The following EVPL variants were observed in gnomAD, a reference collection of about 807,000 sequenced individuals.
EVPL encodes the protein envoplakin.
In EVPL, 94 loss-of-function variants were observed where a neutral mutation model predicts 129.7. That is an observed-to-expected ratio of 0.72 (90% CI 0.61 to 0.86). The LOEUF (loss-of-function observed/expected upper bound fraction) is 0.86. Among genes scored for constraint, EVPL ranks in the 40% least tolerant of loss-of-function variants. The pLI, the probability that EVPL is intolerant of heterozygous loss-of-function variation, is 0.00. For missense variants in EVPL, 2,625 were observed against 2,721.1 expected (o/e 0.96, Z 0.79); for synonymous variants, 1,172 against 1,191.1 (o/e 0.98, Z 0.33).
chr17:76,023,514 C>T lies in EVPL; in HGVS notation c.339G>A (p.Glu113=), dbSNP rs2066477957. 6.2e-7 allele frequency: 1 copy of T among 1,613,038 alleles called. No homozygotes were observed. The highest frequency in any genetic ancestry group is 1.7e-5 in the Admixed American group (1 of 59,992). ...GCTCCACTCACTCCTTCTCAATCTCCTCAGCCTGCGGGTGCTTGAGCCGCC... is the reference window on the plus strand; with the variant it reads ...GCTCCACTCACTCCTTCTCAATCTCTTCAGCCTGCGGGTGCTTGAGCCGCC... ...KARRLKHPQA[E]EIEKDIKQLH... is the part of the protein sequence containing the mutation. The change falls in exon 3 of 22, where the codon GAG becomes GAA. Residue 113 remains glutamate (E), a synonymous_variant. Transcript: ENST00000301607.
At position 76,018,451 on chromosome 17, in the gene EVPL, G is replaced by A. The variant is rs752404897; in HGVS notation, c.1434C>T (p.Ala478=). 1.2e-6 allele frequency: 2 copies of A among 1,611,686 alleles called. No individual in the cohort carries two copies. The highest frequency in any genetic ancestry group is 1.1e-5 in the South Asian group (1 of 90,802). ...PAPDPDAVAR[A]SRLASELQAL... ...GTATCCCTACACAGACCTACCGGGA[G>A]GCCCTGGCCACAGCATCAGGGTCTG... The change falls in exon 12 of 22, where the codon GCC becomes GCT. Residue 478 remains alanine, a synonymous_variant. Coordinates refer to ENST00000301607, the MANE Select transcript of EVPL (RefSeq NM_001988.4).
chr17:76,014,341 G>C, intron 18 of EVPL, 85 bp downstream of exon 18: 1 of 1,488,984 alleles, frequency 6.7e-7, no homozygotes, highest in Non-Finnish European at 8.9e-7. Context: ...CGTGGCCTGG[G>C]CTTTGAAGCC....
At position 76,023,604 on chromosome 17, in the gene EVPL, C is replaced by T. The variant is rs150319164; in HGVS notation, c.249G>A (p.Thr83=). ...QSQALQHQQE[T]GRSLKEAEVL... is the part of the protein sequence containing the mutation. ...CCTCAGCCTCCTTCAGGCTGCGGCC[C>T]GTCTCCTGCTGGTGCTGCAGGGCCT... The change falls in exon 3 of 22, where the codon ACG becomes ACA. Residue 83 remains threonine, a synonymous_variant. Transcript: ENST00000301607. The T allele has an allele frequency of 4.2e-5, 68 of 1,609,716 alleles. No individual in the cohort carries two copies. In the Middle Eastern group the frequency reaches 1.3e-3, roughly 31 times the overall value.
chr17:76,008,553 T>TGCCGG lies in EVPL; in HGVS notation c.4647_4651dup (p.Gln1551ProfsTer118). The TGCCGG allele has an allele frequency of 6.2e-7, 1 of 1,608,950 alleles. No individual in the cohort carries two copies. The highest frequency in any genetic ancestry group is 1.1e-5 in the South Asian group (1 of 91,066). On this transcript the variant is annotated frameshift_variant, in exon 22 of 22. Coordinates refer to ENST00000301607, the MANE Select transcript of EVPL (RefSeq NM_001988.4). LOFTEE classifies it low-confidence loss of function (END_TRUNC). This position sits in a 1 kb window ranked among gnomAD's most constrained non-coding sequence, Gnocchi z 7.4. ...GCGCCGTGCCTCCTCCTCCCGGGCC[T>TGCCGG]GCCGGGCCGTGCGCTCCCTGTTGAG...
chr17:76,026,991 G>T, intron 1 of EVPL, 110 bp downstream of exon 1: 1 of 626,932 alleles, frequency 1.6e-6, no homozygotes, highest in South Asian at 2.3e-5. Flanking sequence ...TGCCAGCACG[G>T]GGCTGGTCCT....
chr17:76,009,950 A>G lies in EVPL; in HGVS notation c.3255T>C (p.Asn1085=), dbSNP rs553307902. 43 of 1,613,714 alleles carry G rather than the reference A, an allele frequency of 2.7e-5. 1 individual carries two copies. The South Asian group carries it at 4.0e-4, about 15-fold the overall frequency. Residue 1085 remains asparagine (N), a synonymous_variant, in exon 22 of 22, where the codon AAT becomes AAC. Transcript: ENST00000301607. The surrounding 1 kb of genome is among the most constrained non-coding windows in gnomAD (Gnocchi z 5.9). ...CCTGGGCTGCCTTGACCATTTCCAG[A>G]TTCTTCTCCACCTTGACTACCTCTT... ...VVKEVVKVEK[N]LEMVKAAQAL...
In EVPL at chr17:76,021,747, T is replaced by A. The variant is rs775949521; in HGVS notation, c.842A>T (p.Gln281Leu). The A allele has an allele frequency of 6.2e-7, 1 of 1,609,952 alleles. No homozygotes were observed. ...GTCGTCCTCCAGCTGGTTCACGCTC[T>A]GCTCCTGGCTCAGCAGCTCGTGCTG... ...FKQHELLSQE[Q>L]SVNQLEDDGE... The change falls in exon 8 of 22, where the codon CAG becomes CTG. Residue 281 changes from glutamine (Q) to leucine (L), a missense_variant. By Grantham distance (113) the Gln-to-Leu change is moderately radical. Around this residue, in one of 4 missense-constraint regions of EVPL, gnomAD observed 1,024 missense variants for 997.5 expected, o/e 1.03. Transcript: ENST00000301607.
chr17:76,023,339 C>T lies in EVPL; in HGVS notation c.433G>A (p.Asp145Asn), dbSNP rs57576632. The T allele has an allele frequency of 4.6e-4, 739 of 1,613,908 alleles. 3 individuals carry two copies. In the African/African-American group the frequency reaches 8.9e-3, roughly 19 times the overall value. ...GCCCAGTCGACCCTGGGTCCCACGTCGGGGGGCAGCACCATCTTCTCGTAC... is the reference window on the plus strand; with the variant it reads ...GCCCAGTCGACCCTGGGTCCCACGTTGGGGGGCAGCACCATCTTCTCGTAC... ...ALYEKMVLPP[D>N]VGPRVDWARV... Residue 145 changes from aspartate to asparagine, a missense_variant, in exon 4 of 22, where the codon GAC (aspartate) becomes AAC (asparagine). Asp to Asn is a conservative substitution (Grantham distance 23). Around this residue, in one of 4 missense-constraint regions of EVPL, gnomAD observed 1,024 missense variants for 997.5 expected, o/e 1.03. Coordinates refer to ENST00000301607, the MANE Select transcript of EVPL (RefSeq NM_001988.4).
Position 76,008,688 on chromosome 17 carries a change from A to G in EVPL, c.4517T>C (p.Ile1506Thr), listed in dbSNP as rs528132734. 6 of 1,613,250 alleles carry G rather than the reference A, an allele frequency of 3.7e-6. No homozygotes were observed. The highest frequency in any genetic ancestry group is 2.7e-5 in the African/African-American group (2 of 75,046). ...NRECKNLQVQIDVLQKAKSQE... is the reference protein window; with the variant it reads ...NRECKNLQVQTDVLQKAKSQE... ...CGATTTGGCTTTCTGGAGGACGTCA[A>G]TCTGGACCTGCAGGTTCTTGCACTC... Residue 1506 changes from isoleucine to threonine, a missense_variant, in exon 22 of 22, where the codon ATT (isoleucine) becomes ACT (threonine). Ile to Thr is a moderately conservative substitution (Grantham distance 89). Coordinates refer to ENST00000301607, the MANE Select transcript of EVPL (RefSeq NM_001988.4). The surrounding 1 kb of genome is among the most constrained non-coding windows in gnomAD (Gnocchi z 7.4).
intron 12 of EVPL, 80 bp from the exon 13 acceptor site, chr17:76,018,338 G>T: frequency 6.6e-7 from 1 of 1,518,282 alleles, no homozygotes; most frequent in Non-Finnish European, 8.9e-7. Context: ...GCAGCTTCAG[G>T]TGAAGGCCAG....
At chr17:76,012,158 G>A in intron 18 of EVPL, 69 bp from the exon 19 acceptor site, 2 of 1,199,874 alleles carry the variant, frequency 1.7e-6, no homozygotes, top group African/African-American at 1.5e-5. Context: ...TCTAGCCAGT[G>A]CCTCCAGGGC....
At position 76,013,610 on chromosome 17, in the gene EVPL, C is replaced by T. The variant is rs2144412945; in HGVS notation, c.2373+816G>A. On this transcript the variant is annotated intron_variant, in intron 18 of 21. Transcript: ENST00000301607. The surrounding 1 kb of genome is among the most constrained non-coding windows in gnomAD (Gnocchi z 4.3). ...CGTCCATCTCACTCACTGTCCCCTT[C>T]AAGCAGTCACCAAGTCCACCTAATT... 6.6e-6 allele frequency among the ~76,000 whole-genome samples: 1 copy of T among 152,330 alleles called. No individual in the cohort carries two copies. Among genetic ancestry groups the T allele is most frequent in the East Asian group, 1.9e-4 (1 of 5,182 alleles).
At chr17:76,018,337 G>A (rs2144424145) in intron 12 of EVPL, 79 bp from the exon 13 acceptor site, 1 of 1,518,496 alleles carries the variant, frequency 6.6e-7, no homozygotes, top group Non-Finnish European at 8.9e-7. Context: ...CGCAGCTTCA[G>A]GTGAAGGCCA....
rs760348152 is a variant in EVPL at position 76,021,692 on chromosome 17, G to C, written c.897C>G (p.Pro299=). 2.0e-6 allele frequency: 3 copies of C among 1,472,866 alleles called. No individual in the cohort carries two copies. The highest frequency in any genetic ancestry group is 2.1e-4 in the Middle Eastern group (1 of 4,866). The allele number at this position is 1,472,866 out of a possible 1,614,324, so 91.2% of individuals were successfully genotyped here. ...DGERMVELRH[P]AVGPIQAHQE... is the part of the protein sequence containing the mutation. ...AGCGCACCTGGATGGGCCCCACCGC[G>C]GGGTGCCGCAGCTCCACCATGCGCT... is the stretch of plus-strand genomic sequence containing the variant. The change falls in exon 8 of 22, where the codon CCC becomes CCG. Residue 299 remains proline, a synonymous_variant. Transcript: ENST00000301607.
rs1007844997 is a variant in EVPL at position 76,022,121 on chromosome 17, C to A, written c.645+68G>T. 2.5e-6 allele frequency: 4 copies of A among 1,596,456 alleles called. No homozygotes were observed. The African/African-American group carries it at 4.0e-5, about 16-fold the overall frequency. On this transcript the variant is annotated intron_variant, in intron 6 of 21. Transcript: ENST00000301607. This position sits in a 1 kb window ranked among gnomAD's most constrained non-coding sequence, Gnocchi z 5.6. Reference sequence around the variant, plus strand: ...GGGCCGCGCTCAGGAACACTGGCCCCGGGCAGGGTCCGGGCGGCCACCCAG... The same window carrying A: ...GGGCCGCGCTCAGGAACACTGGCCCAGGGCAGGGTCCGGGCGGCCACCCAG...
intron 17 of EVPL, 136 bp downstream of exon 17, chr17:76,014,780 T>C (rs2066404692): frequency 2.6e-6 from 3 of 1,134,062 alleles, no homozygotes; most frequent in Non-Finnish European, 3.7e-6. Flanking sequence ...GTAAGTGCTG[T>C]TGTTATCCCA....
chr17:76,025,201 T>G (rs939457092), intron 1 of EVPL, among the ~76,000 whole-genome samples: 1 of 152,270 alleles, frequency 6.6e-6, no homozygotes, highest in Non-Finnish European at 1.5e-5. Flanking sequence ...AGGGCTATTG[T>G]GAGCATTAAT....
intron 18 of EVPL, among the ~76,000 whole-genome samples, chr17:76,012,742 CTTTTTTTT>C (rs56349197): frequency 1.7e-5 from 2 of 117,536 alleles, no homozygotes; most frequent in Admixed American, 8.6e-5. Context: ...TCTTTCTTTT[CTTTTTTTT>C]TTTTTTTTTT....
chr17:76,017,011 G>A (rs761682645), intron 14 of EVPL, among the ~76,000 whole-genome samples: 4 of 152,134 alleles, frequency 2.6e-5, no homozygotes. Flanking sequence ...TCAGGAGTTC[G>A]ACATCAGCCT....
Sources: allele counts gnomAD v4.1 joint callset (sites outside exome capture counted in the v4.1 genomes callset), GRCh38; gene constraint gnomAD v4.1.1; regional missense constraint gnomAD v4.1.1; non-coding constraint Gnocchi (gnomAD v3.1); transcripts MANE v1.5; gene names NCBI Gene and HGNC (gene_info 2026-07-23, HGNC 2026-07-21).